SERPINA9: variants seen among roughly 807,000 people sequenced by gnomAD.
The protein encoded by SERPINA9 is serpin family A member 9, also known as serpin A9.
In SERPINA9, 32 loss-of-function variants were observed where a neutral mutation model predicts 24.5. That is an observed-to-expected ratio of 1.30 (90% CI 0.98 to 1.75). The LOEUF (loss-of-function observed/expected upper bound fraction) is 1.75. Among genes scored for constraint, SERPINA9 ranks in the 40% most tolerant of loss-of-function variants. SERPINA9 has a pLI of 0.00. For synonymous variants in SERPINA9, 233 were observed against 197.7 expected, an observed-to-expected ratio of 1.18 and a Z score of -1.50; for missense variants, 594 against 497.1, an observed-to-expected ratio of 1.19 and a Z score of -1.85.
At chr14:94,472,456 A>G (rs184794520) in intron 1 of SERPINA9, among the ~76,000 whole-genome samples, 1 of 152,210 alleles carries the variant, frequency 6.6e-6, no homozygotes, top group African/African-American at 2.4e-5. Context: ...TCTGAAATTT[A>G]CTCGACTTCT....
chr14:94,469,141 T>G (rs1899163402), intron 2 of SERPINA9, 72 bp downstream of exon 2: 2 of 1,397,520 alleles, frequency 1.4e-6, no homozygotes, highest in Non-Finnish European at 2.0e-6. Context: ...CTGGCTTGTG[T>G]ATTTCACTAA....
chr14:94,475,285 T>C (rs1194805781), intron 1 of SERPINA9, among the ~76,000 whole-genome samples: 1 of 152,156 alleles, frequency 6.6e-6, no homozygotes, highest in East Asian at 1.9e-4. Context: ...CCCGGCAACA[T>C]GTAACTCATC....
In SERPINA9 at chr14:94,467,094, G is replaced by T; in HGVS notation, c.902+15C>A. ...CCCCTGCCTCAGGGCCCAGGAGATT[G>T]ACACAGATGCCCACCTTTTCTGGAG... On this transcript the variant is annotated intron_variant, in intron 3 of 4. Transcript: ENST00000674397. 1.2e-6 allele frequency: 2 copies of T among 1,610,496 alleles called. No homozygotes were observed. The highest frequency in any genetic ancestry group is 2.2e-5 in the South Asian group (2 of 90,654).
At chr14:94,464,270 CCTCTCTCTCTCTCTCTCTCTCTCT>C (rs71129684) in intron 4 of SERPINA9, 10 of 54,422 alleles carry the variant, frequency 1.8e-4, no homozygotes, top group Non-Finnish European at 2.8e-4. Context: ...CTTTAAAACT[CCTCTCTCTCTCTCTCTCTCTCTCT>C]CTCTCTCTCT....
At position 94,476,059 on chromosome 14, in the gene SERPINA9, C is replaced by A. The variant is rs1431713727; in HGVS notation, c.-18+77G>T. 1.7e-5 allele frequency: 27 copies of A among 1,606,232 alleles called. 1 individual carries two copies. Among genetic ancestry groups the A allele is most frequent in the Middle Eastern group, 3.3e-4 (2 of 6,058 alleles). ...TCCCAGCTGCATTTGACACTGAAGA[C>A]CATGCTCTGATCCAGTCCTTCCCTC... On this transcript the variant is annotated intron_variant, in intron 1 of 4. Coordinates refer to ENST00000674397, the MANE Select transcript of SERPINA9 (RefSeq NM_175739.4).
chr14:94,462,894 C>T lies in SERPINA9; in HGVS notation c.*199G>A. On this transcript the variant is annotated 3_prime_UTR_variant, in exon 5 of 5. Transcript: ENST00000674397. ...ACCTGGGAGAATTTGTGGAAAAGGG[C>T]ACTGACTGGGGTTAATGGGTGTTGG... The T allele has an allele frequency of 1.8e-6, 1 of 566,968 alleles. No homozygotes were observed. 35.1% of individuals were successfully genotyped at this position (566,968 alleles called of 1,614,324 possible). A position where few individuals can be genotyped will look rare whatever the true frequency, so the allele number is the denominator to read the frequency against.
chr14:94,475,975 T>A, intron 1 of SERPINA9, 161 bp downstream of exon 1: 1 of 1,026,806 alleles, frequency 9.7e-7, no homozygotes. Flanking sequence ...TCCACAAAAA[T>A]GTGACCCAGA....
Position 94,467,352 on chromosome 14 carries a change from T to A in SERPINA9, c.659A>T (p.Tyr220Phe), listed in dbSNP as rs185539688. The A allele has an allele frequency of 8.6e-5, 139 of 1,612,644 alleles. No individual in the cohort carries two copies. The Middle Eastern group carries it at 1.7e-3, about 19-fold the overall frequency. The stretch of plus-strand genomic sequence containing the variant: ...CAGGAATGGGAAGTTCTTTCTTGTA[T>A]ATTCAGGGTGAAAGGGCTTCTCCCA... Reference protein sequence around the residue: ...AKWEKPFHPEYTRKNFPFLVG... With the variant: ...AKWEKPFHPEFTRKNFPFLVG... The change falls in exon 3 of 5, where the codon TAT (tyrosine) becomes TTT (phenylalanine). Residue 220 changes from tyrosine (Y) to phenylalanine (F), a missense_variant. By Grantham distance (22) the Tyr-to-Phe change is conservative (BLOSUM62 3). Transcript: ENST00000674397.
intron 1 of SERPINA9, among the ~76,000 whole-genome samples, chr14:94,474,834 C>G (rs527723673): frequency 4.6e-5 from 7 of 152,274 alleles, no homozygotes; most frequent in African/African-American, 1.7e-4. Flanking sequence ...ACTCCCATCT[C>G]CAAGCGCTCC....
chr14:94,464,564 C>A, intron 4 of SERPINA9, 143 bp downstream of exon 4: 2 of 673,928 alleles, frequency 3.0e-6, no homozygotes, highest in African/African-American at 3.6e-5. Flanking sequence ...CCATAGGCCG[C>A]AAGATTCGGT....
At chr14:94,473,302 T>C (rs1472616734) in intron 1 of SERPINA9, among the ~76,000 whole-genome samples, 1 of 152,088 alleles carries the variant, frequency 6.6e-6, no homozygotes, top group Non-Finnish European at 1.5e-5. Flanking sequence ...GTGGATCACC[T>C]GAGATCAGGA....
chr14:94,466,823 C>A (rs187013238), intron 3 of SERPINA9, among the ~76,000 whole-genome samples: 1 of 152,240 alleles, frequency 6.6e-6, no homozygotes, highest in Non-Finnish European at 1.5e-5. Flanking sequence ...GCTTCTAGAG[C>A]CAGCTCTGCA....
At chr14:94,476,005 A>C (rs144604793) in intron 1 of SERPINA9, 131 bp downstream of exon 1, 6 of 1,399,020 alleles carry the variant, frequency 4.3e-6, no homozygotes, top group Middle Eastern at 2.0e-4. Flanking sequence ...AAGCCAACTA[A>C]TGTGTCTAGG....
Position 94,467,177 on chromosome 14 carries a change from C to G in SERPINA9, c.834G>C (p.Lys278Asn). 1.2e-6 allele frequency: 2 copies of G among 1,614,214 alleles called. No homozygotes were observed. The highest frequency in any genetic ancestry group is 1.1e-5 in the South Asian group (1 of 91,082). ...ACAAGGCCTGTTCCAGTTGCCTCAT[C>G]TTGCCCTTGCTAGGGAGGACAAAGA... ...VAFFVLPSKG[K>N]MRQLEQALSA... The change falls in exon 3 of 5, where the codon AAG becomes AAC. Residue 278 changes from lysine to asparagine, a missense_variant. Physicochemically the swap from Lys to Asn is moderately conservative, Grantham distance 94. Coordinates refer to ENST00000674397, the MANE Select transcript of SERPINA9 (RefSeq NM_175739.4).
At position 94,467,207 on chromosome 14, in the gene SERPINA9, C is replaced by T. The variant is rs368588299; in HGVS notation, c.804G>A (p.Val268=). Residue 268 remains valine (V), a synonymous_variant, in exon 3 of 5, where the codon GTG becomes GTA. Transcript: ENST00000674397. ...CCTTGCTAGGGAGGACAAAGAAGGC[C>T]ACGGCATCTCCCTTGTAATCCATCT... ...VLQMDYKGDA[V]AFFVLPSKGK... 3.7e-6 allele frequency: 6 copies of T among 1,614,108 alleles called. No homozygotes were observed. The African/African-American group carries it at 5.3e-5, about 14-fold the overall frequency.
rs1237360324 is a variant in SERPINA9, at chr14:94,467,394, A to T, written c.629-12T>A. On this transcript the variant is annotated splice_polypyrimidine_tract_variant and intron_variant, in intron 2 of 4. Transcript: ENST00000674397. ...CTTCTCCCACTTGGCTAGCACAAAG[A>T]GAGAAAAGAAGTCTTTATGTCAAAG... The T allele has an allele frequency of 4.4e-6, 7 of 1,584,312 alleles. No individual in the cohort carries two copies. Among genetic ancestry groups the T allele is most frequent in the Non-Finnish European group, 6.0e-6 (7 of 1,163,148 alleles).
intron 1 of SERPINA9, chr14:94,470,059 A>T (rs937010541): frequency 1.5e-6 from 1 of 661,260 alleles, no homozygotes. Context: ...AAATGAGTAA[A>T]CAGGCCACAG....
In SERPINA9 at chr14:94,466,851, T is replaced by C. The variant is rs141014960; in HGVS notation, c.902+258A>G. ...GCTCTGCAAGCATATAACAGCTACA[T>C]GACCTTGGGCAATTCACTTACCCCT... On this transcript the variant is annotated intron_variant, in intron 3 of 4. Coordinates refer to ENST00000674397, the MANE Select transcript of SERPINA9 (RefSeq NM_175739.4). Among the ~76,000 whole-genome samples the C allele has an allele frequency of 6.1e-3, 934 of 152,338 alleles. 2 individuals carry two copies. Among genetic ancestry groups the C allele is most frequent in the Non-Finnish European group, 0.01 (686 of 68,026 alleles).
At chr14:94,464,308 T>TCTCTCTCTCTCTCTCTCTCTCTCC (rs1898888517) in intron 4 of SERPINA9, 12 of 84,310 alleles carry the variant, frequency 1.4e-4, no homozygotes, top group African/African-American at 4.7e-4. Flanking sequence ...TCTCTCTCTC[T>TCTCTCTCTCTCTCTCTCTCTCTCC]CTCTCTCTCT....
Sources: gnomAD v4.1 joint callset for allele counts (sites outside exome capture counted in the v4.1 genomes callset) on GRCh38, gnomAD v4.1.1 for gene constraint, MANE v1.5 for transcripts, NCBI Gene and HGNC (gene_info 2026-07-23, HGNC 2026-07-21) for gene names.